EIF4G3: variants seen among roughly 807,000 people sequenced by gnomAD.
EIF4G3 encodes the protein eIF-4-gamma 3.
A neutral mutation model predicts 186.4 loss-of-function variants in EIF4G3; 34 were observed. The observed-to-expected ratio is 0.18, with a 90% CI of 0.14 to 0.24. The LOEUF is 0.24. EIF4G3 is among the 10% of genes least tolerant of loss of function. EIF4G3 has a pLI of 1.00. For synonymous variants in EIF4G3, 673 were observed against 679.5 expected (o/e 0.99, Z 0.15); for missense variants, 1,536 against 1,948.5 (o/e 0.79, Z 3.99).
At chr1:20,843,704 G>C (rs1309279707) in intron 29 of EIF4G3, among the ~76,000 whole-genome samples, 1 of 152,070 alleles carries the variant, frequency 6.6e-6, no homozygotes, top group Admixed American at 6.5e-5. Context: ...TGCTACATAG[G>C]TAAATGTGTG....
intron 2 of EIF4G3, among the ~76,000 whole-genome samples, chr1:21,152,480 G>A (rs1409677975): frequency 2.1e-5 from 3 of 143,606 alleles, no homozygotes; most frequent in East Asian, 4.1e-4. Flanking sequence ...AAAATAAAAC[G>A]CCCCCTTACA....
At chr1:21,136,136 T>C (rs74344359) in intron 2 of EIF4G3, among the ~76,000 whole-genome samples, 6 of 151,816 alleles carry the variant, frequency 4.0e-5, no homozygotes, top group East Asian at 1.9e-4. Context: ...TGAGCCGAGA[T>C]TGCGCTACTG....
intron 2 of EIF4G3, among the ~76,000 whole-genome samples, chr1:21,140,117 A>C (rs1242046572): frequency 6.6e-6 from 1 of 152,224 alleles, no homozygotes; most frequent in Non-Finnish European, 1.5e-5. Flanking sequence ...TCTCTCTGTA[A>C]CAGTATGTCA....
intron 3 of EIF4G3, among the ~76,000 whole-genome samples, chr1:21,062,596 T>A (rs1447465321): frequency 6.6e-6 from 1 of 152,060 alleles, no homozygotes; most frequent in South Asian, 2.1e-4. Flanking sequence ...GATATAGATA[T>A]ACCTATTTTT....
At chr1:21,163,584 C>G (rs1257532852) in intron 2 of EIF4G3, among the ~76,000 whole-genome samples, 1 of 152,182 alleles carries the variant, frequency 6.6e-6, no homozygotes, top group African/African-American at 2.4e-5. Context: ...CACTCATTCC[C>G]ACTTCCCAAT....
chr1:21,052,316 T>C (rs1465417494), intron 3 of EIF4G3, among the ~76,000 whole-genome samples: 1 of 152,146 alleles, frequency 6.6e-6, no homozygotes, highest in Non-Finnish European at 1.5e-5. Flanking sequence ...TTTGCAAACT[T>C]TCATGAATTA....
intron 4 of EIF4G3, among the ~76,000 whole-genome samples, chr1:21,009,881 C>T (rs909104595): frequency 4.0e-5 from 6 of 151,784 alleles, no homozygotes; most frequent in African/African-American, 1.5e-4. Context: ...TCTCAAACTC[C>T]TGACCTTGTG....
chr1:21,167,647 A>T (rs1210749022), intron 2 of EIF4G3, among the ~76,000 whole-genome samples: 1 of 152,104 alleles, frequency 6.6e-6, no homozygotes, highest in South Asian at 2.1e-4. Flanking sequence ...AATCCCAGCT[A>T]CTCAGGAGGC....
At chr1:20,947,803 C>A (rs966497395) in intron 13 of EIF4G3, among the ~76,000 whole-genome samples, 2 of 152,132 alleles carry the variant, frequency 1.3e-5, no homozygotes, top group African/African-American at 2.4e-5. Flanking sequence ...ATATTATACA[C>A]CAGTTAGATA....
At chr1:20,844,422 G>A (rs1347936787) in intron 29 of EIF4G3, among the ~76,000 whole-genome samples, 2 of 151,714 alleles carry the variant, frequency 1.3e-5, no homozygotes, top group Non-Finnish European at 2.9e-5. Context: ...TTTTTATCTT[G>A]TGATTGTTGG....
intron 2 of EIF4G3, among the ~76,000 whole-genome samples, chr1:21,158,169 C>CTTTTTTTTTTTTTTTTT (rs71014163): frequency 1.0e-5 from 1 of 99,514 alleles, no homozygotes; most frequent in Non-Finnish European, 1.9e-5. Context: ...AAATACATAG[C>CTTTTTTTTTTTTTTTTT]TTTTTTTTTT....
chr1:21,022,167 T>C lies in EIF4G3; in HGVS notation c.-66-19359A>G, dbSNP rs1268450661. 2.6e-5 allele frequency among the ~76,000 whole-genome samples: 4 copies of C among 152,252 alleles called. No homozygotes were observed. In the South Asian group the frequency reaches 8.3e-4, roughly 31 times the overall value. On this transcript the variant is annotated intron_variant, in intron 4 of 36. Transcript: ENST00000602326. ...TAATTTAAAGGCTATCTTCTTTTGC[T>C]ACCTTTCATTTAAATACCAAAGATT...
At chr1:21,064,560 C>T (rs566789648) in intron 3 of EIF4G3, 1 of 152,240 alleles carries the variant, frequency 6.6e-6, no homozygotes, top group East Asian at 1.9e-4. Context: ...TCTTTCACTG[C>T]TAATAGAATC....
chr1:21,143,295 A>G (rs1031948902), intron 2 of EIF4G3, among the ~76,000 whole-genome samples: 2 of 151,316 alleles, frequency 1.3e-5, no homozygotes, highest in African/African-American at 4.9e-5. Context: ...GGAGAGAGAA[A>G]GAGAGACAAA....
At chr1:20,936,295 C>T (rs1478462333) in intron 14 of EIF4G3, among the ~76,000 whole-genome samples, 1 of 152,114 alleles carries the variant, frequency 6.6e-6, no homozygotes, top group Non-Finnish European at 1.5e-5. Flanking sequence ...GTGGAGAAAA[C>T]CTTTATTTAT....
At chr1:20,984,083 G>A (rs2078878857) in intron 7 of EIF4G3, among the ~76,000 whole-genome samples, 1 of 152,022 alleles carries the variant, frequency 6.6e-6, no homozygotes, top group Non-Finnish European at 1.5e-5. Flanking sequence ...TAAAAACAGT[G>A]TTTCTAATGA....
chr1:21,147,360 A>C (rs1362330472), intron 2 of EIF4G3, among the ~76,000 whole-genome samples: 1 of 151,884 alleles, frequency 6.6e-6, no homozygotes. Context: ...TTTTCTTCTG[A>C]GACAGAGTCT....
intron 7 of EIF4G3, among the ~76,000 whole-genome samples, chr1:20,994,566 T>C (rs912028273): frequency 2.0e-5 from 3 of 152,100 alleles, no homozygotes; most frequent in African/African-American, 7.2e-5. Flanking sequence ...CCAAGAACTA[T>C]TGTTAGATGA....
At chr1:21,168,387 G>A (rs1000364133) in intron 2 of EIF4G3, among the ~76,000 whole-genome samples, 6 of 151,926 alleles carry the variant, frequency 3.9e-5, no homozygotes, top group African/African-American at 9.7e-5. Context: ...CTGGGTGACA[G>A]AGCGAGGCTC....
Sources: gnomAD v4.1 joint callset for allele counts (sites outside exome capture counted in the v4.1 genomes callset) on GRCh38, gnomAD v4.1.1 for gene constraint, MANE v1.5 for transcripts, NCBI Gene and HGNC (gene_info 2026-07-23, HGNC 2026-07-21) for gene names.